RBM11: variants seen among roughly 807,000 people sequenced by gnomAD.
The protein encoded by RBM11 is splicing regulator RBM11.
RBM11 carries 18 observed loss-of-function variants against 21.4 expected under a neutral mutation model. The ratio of observed to expected loss-of-function variants is 0.84; its 90% CI spans 0.58 to 1.25. The LOEUF (loss-of-function observed/expected upper bound fraction) is 1.25, where lower values mean the gene tolerates loss of function less well. Ranked by LOEUF, RBM11 falls within the 50% of genes most tolerant of loss-of-function variation. The pLI, the probability that RBM11 is intolerant of heterozygous loss-of-function variation, is 0.00. For synonymous variants in RBM11, 120 were observed against 116.3 expected (o/e 1.03, Z -0.20); for missense variants, 294 against 331.9 (o/e 0.89, Z 0.89).
intron 3 of RBM11, among the ~76,000 whole-genome samples, chr21:14,222,327 G>A (rs1348612870): frequency 6.6e-6 from 1 of 152,028 alleles, no homozygotes; most frequent in East Asian, 1.9e-4. Context: ...AGAGAGAGAA[G>A]TATAGCTCTA....
intron 4 of RBM11, among the ~76,000 whole-genome samples, chr21:14,225,961 T>C (rs1284069614): frequency 1.3e-5 from 2 of 152,048 alleles, no homozygotes; most frequent in Non-Finnish European, 2.9e-5. Flanking sequence ...TTTTATTTAA[T>C]TTTAATTAAT....
At position 14,226,920 on chromosome 21, in the gene RBM11, A is replaced by G; in HGVS notation, c.473A>G (p.Tyr158Cys). Residue 158 changes from tyrosine to cysteine, a missense_variant, in exon 5 of 5, where the codon TAT (tyrosine) becomes TGT (cysteine). Around this residue, in one of 2 missense-constraint regions of RBM11, gnomAD observed 113 missense variants for 167.3 expected, o/e 0.68. Coordinates refer to ENST00000400577, the MANE Select transcript of RBM11 (RefSeq NM_144770.5). ...VYNPVLQLPYYEMTAPLPNSA... is the reference protein window; with the variant it reads ...VYNPVLQLPYCEMTAPLPNSA... ...AATCCAGTGCTGCAGCTTCCTTACT[A>G]TGAAATGACAGCTCCACTTCCTAAT... is the stretch of plus-strand genomic sequence containing the variant. 6.2e-7 allele frequency: 1 copy of G among 1,613,966 alleles called. No individual in the cohort carries two copies. Among genetic ancestry groups the G allele is most frequent in the Non-Finnish European group, 8.5e-7 (1 of 1,179,854 alleles).
At position 14,225,773 on chromosome 21, in the gene RBM11, T is replaced by C. The variant is rs1979036979; in HGVS notation, c.433-1107T>C. 2.6e-5 allele frequency among the ~76,000 whole-genome samples: 4 copies of C among 152,048 alleles called. No homozygotes were observed. In the South Asian group the frequency reaches 8.3e-4, roughly 31 times the overall value. On this transcript the variant is annotated intron_variant, in intron 4 of 4. Coordinates refer to ENST00000400577, the MANE Select transcript of RBM11 (RefSeq NM_144770.5). ...TTTTTATCTTTTGGTAGAGATGGGG[T>C]AGGAGAGAGACACAAGTTCATGGTA...
intron 4 of RBM11, among the ~76,000 whole-genome samples, chr21:14,226,433 A>G (rs1018353367): frequency 1.1e-4 from 17 of 152,058 alleles, no homozygotes; most frequent in African/African-American, 4.1e-4. Flanking sequence ...AGCCTGACCA[A>G]TATGGTGAAA....
intron 3 of RBM11, among the ~76,000 whole-genome samples, chr21:14,223,081 C>T (rs529468510): frequency 6.6e-6 from 1 of 152,284 alleles, no homozygotes; most frequent in Admixed American, 6.5e-5. Context: ...TAGAATATAG[C>T]AGTCAAACTC....
At chr21:14,219,155 G>C (rs1188732269) in intron 1 of RBM11, among the ~76,000 whole-genome samples, 1 of 152,084 alleles carries the variant, frequency 6.6e-6, no homozygotes, top group Non-Finnish European at 1.5e-5. Context: ...AACATCGCCA[G>C]CTTTTTTGAG....
intron 4 of RBM11, 122 bp downstream of exon 4, chr21:14,224,659 A>T: frequency 7.4e-7 from 1 of 1,356,994 alleles, no homozygotes; most frequent in Non-Finnish European, 9.8e-7. Flanking sequence ...ATGTCCCAGC[A>T]CTGTCCTCCA....
chr21:14,223,108 T>C (rs775674434), intron 3 of RBM11, among the ~76,000 whole-genome samples: 1 of 152,218 alleles, frequency 6.6e-6, no homozygotes, highest in Non-Finnish European at 1.5e-5. Flanking sequence ...TTTCTAGTTA[T>C]GTTTGATACA....
chr21:14,227,270 T>G lies in RBM11; in HGVS notation c.823T>G (p.Ser275Ala). The change falls in exon 5 of 5, where the codon TCT becomes GCT. Residue 275 changes from serine to alanine, a missense_variant. Physicochemically the swap from Ser to Ala is moderately conservative, Grantham distance 99 (BLOSUM62 1). Coordinates refer to ENST00000400577, the MANE Select transcript of RBM11 (RefSeq NM_144770.5). ...CGAATGTAGCCAAAAGTTCCGAAAG[T>G]CTAAGAAGAAGAAAAGATACTAGTA... ...GNECSQKFRK[S>A]KKKKRY 1.9e-6 allele frequency: 3 copies of G among 1,611,800 alleles called. No individual in the cohort carries two copies. The highest frequency in any genetic ancestry group is 2.5e-6 in the Non-Finnish European group (3 of 1,179,160).
chr21:14,219,746 A>G (rs1358609410), intron 2 of RBM11, 21 bp downstream of exon 2: 7 of 1,541,124 alleles, frequency 4.5e-6, no homozygotes, highest in Admixed American at 1.8e-5. Flanking sequence ...TCACTGATTA[A>G]TCTTCAAAGT....
At chr21:14,219,823 C>CAAA in intron 2 of RBM11, 98 bp downstream of exon 2, 1 of 1,012,210 alleles carries the variant, frequency 9.9e-7, no homozygotes, top group Non-Finnish European at 1.3e-6. Context: ...AAGACCAAAA[C>CAAA]AAAAAAAAGT....
At chr21:14,222,990 G>C (rs925129953) in intron 3 of RBM11, among the ~76,000 whole-genome samples, 5 of 152,140 alleles carry the variant, frequency 3.3e-5, no homozygotes, top group African/African-American at 1.2e-4. Context: ...AGTGGGAAAA[G>C]GTATCTCTTC....
chr21:14,219,564 C>T lies in RBM11; in HGVS notation c.98C>T (p.Ala33Val), dbSNP rs528749430. 2.9e-5 allele frequency: 43 copies of T among 1,489,342 alleles called. No individual in the cohort carries two copies. Among genetic ancestry groups the T allele is most frequent in the Middle Eastern group, 3.6e-4 (2 of 5,614 alleles). 92.3% of individuals were successfully genotyped at this position (1,489,342 alleles called of 1,614,324 possible). ...EEILYELFLQ[A>V]GPLTKVTICK... ...AAATAATTTTTAAGTTTCTTATAGG[C>T]GGGGCCACTAACCAAAGTGACTATA... The change falls in exon 2 of 5, where the codon GCG becomes GTG. Residue 33 changes from alanine (A) to valine (V), a missense_variant and splice_region_variant. By Grantham distance (64) the Ala-to-Val change is moderately conservative (BLOSUM62 0). Around this residue, in one of 2 missense-constraint regions of RBM11, gnomAD observed 181 missense variants for 164.6 expected, o/e 1.10. Coordinates refer to ENST00000400577, the MANE Select transcript of RBM11 (RefSeq NM_144770.5).
Position 14,227,282 on chromosome 21 carries a change from A to C in RBM11, c.835A>C (p.Lys279Gln). The C allele has an allele frequency of 1.2e-6, 2 of 1,609,782 alleles. No individual in the cohort carries two copies. Among genetic ancestry groups the C allele is most frequent in the Non-Finnish European group, 1.7e-6 (2 of 1,178,288 alleles). Residue 279 changes from lysine (K) to glutamine (Q), a missense_variant, in exon 5 of 5, where the codon AAA becomes CAA. Around this residue, in one of 2 missense-constraint regions of RBM11, gnomAD observed 113 missense variants for 167.3 expected, o/e 0.68. Coordinates refer to ENST00000400577, the MANE Select transcript of RBM11 (RefSeq NM_144770.5). The stretch of plus-strand genomic sequence containing the variant: ...AAAGTTCCGAAAGTCTAAGAAGAAG[A>C]AAAGATACTAGTATTACCTACAAAT... ...SQKFRKSKKK[K>Q]RY
At position 14,220,238 on chromosome 21, in the gene RBM11, C is replaced by A. The variant is rs531138597; in HGVS notation, c.259+513C>A. On this transcript the variant is annotated intron_variant, in intron 2 of 4. Coordinates refer to ENST00000400577, the MANE Select transcript of RBM11 (RefSeq NM_144770.5). ...AACGTAGAGTTACCCTTAGTAGTGG[C>A]GGAAAAAACTTCCTGACAAGAATGG... is the stretch of plus-strand genomic sequence containing the variant. Among the ~76,000 whole-genome samples, 6 of 152,162 alleles carry A rather than the reference C, an allele frequency of 3.9e-5. No individual in the cohort carries two copies. The South Asian group carries it at 1.2e-3, about 32-fold the overall frequency.
In RBM11 at chr21:14,219,694, T is replaced by A. The variant is rs1444455738; in HGVS notation, c.228T>A (p.Tyr76Ter). 4 of 1,604,934 alleles carry A rather than the reference T, an allele frequency of 2.5e-6. No homozygotes were observed. The Admixed American group carries it at 6.7e-5, about 27-fold the overall frequency. ...CTTTGCTGAATGGAATTCGTTTATATGGAAGACCAATTAACGTGCAGTATC... is the reference window on the plus strand; with the variant it reads ...CTTTGCTGAATGGAATTCGTTTATAAGGAAGACCAATTAACGTGCAGTATC... ...AIALLNGIRL[Y>*]GRPINVQYRF... is the part of the protein sequence containing the mutation. Residue 76 changes from tyrosine to a stop codon, truncating the protein, a stop_gained, in exon 2 of 5, where the codon TAT (tyrosine) becomes TAA (stop). Transcript: ENST00000400577. LOFTEE classifies it high-confidence loss of function.
At chr21:14,224,581 A>G in intron 4 of RBM11, 44 bp downstream of exon 4, 7 of 1,509,482 alleles carry the variant, frequency 4.6e-6, no homozygotes, top group Non-Finnish European at 6.2e-6. Context: ...TATGATACAA[A>G]CTATGAAGAA....
chr21:14,216,160 A>G lies in RBM11; in HGVS notation c.-27A>G, dbSNP rs749774456. ...GAGAAGGGGCGGGGTCTCAGCTCCT[A>G]CTTCATTCTACGGCCGAGACCGGAG... On this transcript the variant is annotated 5_prime_UTR_variant, in exon 1 of 5. Coordinates refer to ENST00000400577, the MANE Select transcript of RBM11 (RefSeq NM_144770.5). 61 of 1,591,534 alleles carry G rather than the reference A, an allele frequency of 3.8e-5. No individual in the cohort carries two copies. In the South Asian group the frequency reaches 6.0e-4, roughly 16 times the overall value.
intron 3 of RBM11, 162 bp downstream of exon 3, chr21:14,221,331 A>G: frequency 1.1e-6 from 1 of 875,634 alleles, no homozygotes; most frequent in Non-Finnish European, 1.6e-6. Flanking sequence ...GATAGAAAAT[A>G]TTTTCATTTA....
Sources: gnomAD v4.1 joint callset for allele counts (sites outside exome capture counted in the v4.1 genomes callset) on GRCh38, gnomAD v4.1.1 for gene constraint, gnomAD v4.1.1 regional missense constraint, MANE v1.5 for transcripts, NCBI Gene and HGNC (gene_info 2026-07-23, HGNC 2026-07-21) for gene names.